The following ZSWIM6 variants were observed in gnomAD, a reference collection of about 807,000 sequenced individuals.
ZSWIM6 encodes zinc finger SWIM domain-containing protein 6.
ZSWIM6 carries 9 observed loss-of-function variants against 113.2 expected under a neutral mutation model. The ratio of observed to expected loss-of-function variants is 0.08; its 90% CI spans 0.05 to 0.14. ZSWIM6 has a LOEUF of 0.14. Ranked by LOEUF, ZSWIM6 falls within the 10% of genes least tolerant of loss-of-function variation. The probability of loss-of-function intolerance (pLI) is 1.00; values close to 1 mark genes in which losing one functional copy is unlikely to be tolerated. For synonymous variants in ZSWIM6, 611 were observed against 606.5 expected, an observed-to-expected ratio of 1.01 and a Z score of -0.11; for missense variants, 1,162 against 1,552.2, an observed-to-expected ratio of 0.75 and a Z score of 4.22.
chr5:61,530,285 T>TATGTTAACTAC, intron 8 of ZSWIM6, 87 bp downstream of exon 8: 3 of 1,354,150 alleles, frequency 2.2e-6, no homozygotes, highest in Admixed American at 2.6e-5. Context: ...CATTATGTTT[T>TATGTTAACTAC]ATGGAACCAT....
intron 1 of ZSWIM6, among the ~76,000 whole-genome samples, chr5:61,465,733 T>C (rs1747419600): frequency 6.6e-6 from 1 of 152,232 alleles, no homozygotes; most frequent in South Asian, 2.1e-4. Context: ...TGGTTTACAG[T>C]CTGGCCTTTG....
At chr5:61,444,486 T>C (rs542442462) in intron 1 of ZSWIM6, among the ~76,000 whole-genome samples, 13 of 152,298 alleles carry the variant, frequency 8.5e-5, no homozygotes, top group Non-Finnish European at 1.5e-5. Context: ...CTGGGTCAAA[T>C]GGTATTTCTA....
At chr5:61,488,829 T>C (rs12517679) in intron 2 of ZSWIM6, among the ~76,000 whole-genome samples, 3,913 of 152,078 alleles carry the variant, frequency 0.026, 165 homozygotes, top group South Asian at 0.19. Flanking sequence ...TCCATTGTAA[T>C]GCATGGAGAG....
intron 1 of ZSWIM6, among the ~76,000 whole-genome samples, chr5:61,383,787 TC>T (rs1312598939): frequency 1.3e-5 from 2 of 151,832 alleles, no homozygotes; most frequent in South Asian, 2.1e-4. Flanking sequence ...CCTCAGGTGA[TC>T]CACCTGCCTC....
intron 1 of ZSWIM6, among the ~76,000 whole-genome samples, chr5:61,419,860 G>T (rs1045895013): frequency 6.6e-6 from 1 of 152,216 alleles, no homozygotes; most frequent in African/African-American, 2.4e-5. Context: ...GGAGTTAGGT[G>T]TGCAATTGTG....
At chr5:61,402,499 A>G (rs568059821) in intron 1 of ZSWIM6, among the ~76,000 whole-genome samples, 9 of 151,784 alleles carry the variant, frequency 5.9e-5, no homozygotes, top group Non-Finnish European at 7.4e-5. Context: ...ATTTTGTAGC[A>G]TGGATTCCAG....
chr5:61,393,609 A>G (rs185441750), intron 1 of ZSWIM6, among the ~76,000 whole-genome samples: 1 of 151,918 alleles, frequency 6.6e-6, no homozygotes, highest in East Asian at 1.9e-4. Flanking sequence ...GTGGTGGCGC[A>G]TGTCTGTAAT....
chr5:61,515,957 A>G (rs1397429334), intron 4 of ZSWIM6, among the ~76,000 whole-genome samples: 1 of 151,982 alleles, frequency 6.6e-6, no homozygotes, highest in East Asian at 1.9e-4. Flanking sequence ...AGTTGGCTTT[A>G]TCTGATACTG....
At chr5:61,439,440 A>G (rs563024102) in intron 1 of ZSWIM6, among the ~76,000 whole-genome samples, 1 of 152,350 alleles carries the variant, frequency 6.6e-6, no homozygotes, top group African/African-American at 2.4e-5. Context: ...TTTTTAAGCT[A>G]AAAGGCTGCT....
intron 1 of ZSWIM6, among the ~76,000 whole-genome samples, chr5:61,335,424 A>G (rs1177523390): frequency 6.6e-6 from 1 of 152,262 alleles, no homozygotes; most frequent in Non-Finnish European, 1.5e-5. Flanking sequence ...GAGATAGAAC[A>G]CTTATGATCA....
intron 3 of ZSWIM6, among the ~76,000 whole-genome samples, chr5:61,493,196 T>C (rs1748225021): frequency 2.0e-5 from 3 of 152,148 alleles, no homozygotes; most frequent in African/African-American, 7.2e-5. Flanking sequence ...ATCACCCATA[T>C]AGAGCAGGAG....
chr5:61,542,576 A>G (rs982746290), intron 13 of ZSWIM6, among the ~76,000 whole-genome samples: 6 of 152,354 alleles, frequency 3.9e-5, no homozygotes, highest in African/African-American at 9.6e-5. Flanking sequence ...AAAGGGATAC[A>G]TACTTCATGC....
intron 1 of ZSWIM6, among the ~76,000 whole-genome samples, chr5:61,333,477 G>A (rs1190551435): frequency 1.3e-5 from 2 of 152,002 alleles, no homozygotes; most frequent in East Asian, 1.9e-4. Context: ...TTGAGGGGAG[G>A]GGAATACACT....
At chr5:61,449,618 G>T (rs76803986) in intron 1 of ZSWIM6, among the ~76,000 whole-genome samples, 3,424 of 152,242 alleles carry the variant, frequency 0.022, 51 homozygotes, top group Middle Eastern at 0.034. Flanking sequence ...ATATCAGTCT[G>T]CACCTCAAAA....
chr5:61,482,870 A>G (rs140867091), intron 2 of ZSWIM6, among the ~76,000 whole-genome samples: 16 of 151,934 alleles, frequency 1.1e-4, no homozygotes, highest in South Asian at 8.4e-4. Context: ...TCTGAATTCT[A>G]ATCCATCCTC....
At chr5:61,412,979 T>A (rs1267542006) in intron 1 of ZSWIM6, among the ~76,000 whole-genome samples, 1 of 151,674 alleles carries the variant, frequency 6.6e-6, no homozygotes, top group Non-Finnish European at 1.5e-5. Context: ...TTTTTTTTTA[T>A]TTCACTATTG....
chr5:61,525,979 A>G lies in ZSWIM6; in HGVS notation c.1690+3A>G, dbSNP rs1461059025. 2.6e-6 allele frequency: 4 copies of G among 1,551,904 alleles called. No individual in the cohort carries two copies. The highest frequency in any genetic ancestry group is 2.4e-5 in the East Asian group (1 of 40,928). ...CCGCGGGTGGCCCCTCTGGCATGGT[A>G]AGTGACCAAACCGGAAAGACATTTC... On this transcript the variant is annotated splice_donor_region_variant and intron_variant, in intron 6 of 13. Coordinates refer to ENST00000252744, the MANE Select transcript of ZSWIM6 (RefSeq NM_020928.2).
At chr5:61,538,792 C>G in intron 10 of ZSWIM6, 22 bp from the exon 11 acceptor site, 1 of 1,537,710 alleles carries the variant, frequency 6.5e-7, no homozygotes, top group Non-Finnish European at 8.8e-7. Context: ...TAGGGGCCAC[C>G]TTCCTTGTCT....
chr5:61,399,425 C>T (rs1745903863), intron 1 of ZSWIM6, among the ~76,000 whole-genome samples: 1 of 152,104 alleles, frequency 6.6e-6, no homozygotes, highest in Non-Finnish European at 1.5e-5. Context: ...CAGATTCCAT[C>T]TCTGTCTTTT....
Sources: gnomAD v4.1 joint callset for allele counts (sites outside exome capture counted in the v4.1 genomes callset) on GRCh38, gnomAD v4.1.1 for gene constraint, MANE v1.5 for transcripts, NCBI Gene and HGNC (gene_info 2026-07-23, HGNC 2026-07-21) for gene names.